The following CNTN6 variants were observed in gnomAD, a reference collection of about 807,000 sequenced individuals.
The protein encoded by CNTN6 is contactin 6.
In CNTN6, 137 loss-of-function variants were observed where a neutral mutation model predicts 122.8. The ratio of observed to expected loss-of-function variants is 1.12; its 90% CI spans 0.97 to 1.29. CNTN6 has a LOEUF of 1.29. Ranked by LOEUF, CNTN6 falls within the 50% of genes most tolerant of loss-of-function variation. The pLI, the probability that CNTN6 is intolerant of heterozygous loss-of-function variation, is 0.00. For synonymous variants in CNTN6, 570 were observed against 426.0 expected, an observed-to-expected ratio of 1.34 and a Z score of -4.16; for missense variants, 1,634 against 1,223.4, an observed-to-expected ratio of 1.34 and a Z score of -5.01.
intron 1 of CNTN6, among the ~76,000 whole-genome samples, chr3:1,107,764 G>A (rs1014516057): frequency 6.6e-6 from 1 of 151,962 alleles, no homozygotes; most frequent in Non-Finnish European, 1.5e-5. Flanking sequence ...TGACCTGAAC[G>A]ACAGACCAAT....
chr3:1,172,231 TTC>T (rs1240179991), intron 2 of CNTN6, among the ~76,000 whole-genome samples: 12 of 152,246 alleles, frequency 7.9e-5, no homozygotes, highest in Non-Finnish European at 2.9e-5. Flanking sequence ...TGAACCCCAG[TTC>T]TCTCTTTTAT....
intron 21 of CNTN6, among the ~76,000 whole-genome samples, chr3:1,401,954 A>G (rs1307133355): frequency 1.3e-5 from 2 of 152,100 alleles, no homozygotes; most frequent in African/African-American, 4.8e-5. Flanking sequence ...TCAAGTACCC[A>G]GAGCAACTCA....
In CNTN6 at chr3:1,372,389, C is replaced by G; in HGVS notation, c.1583C>G (p.Ser528Cys). The G allele has an allele frequency of 6.2e-7, 1 of 1,612,654 alleles. No homozygotes were observed. Among genetic ancestry groups the G allele is most frequent in the Non-Finnish European group, 8.5e-7 (1 of 1,178,938 alleles). Reference sequence around the variant, plus strand: ...CCATGCCAGGTGTCCCATGACCCCTCCATTGAAGTGGTATTTGTATGGTTT... The same window carrying G: ...CCATGCCAGGTGTCCCATGACCCCTGCATTGAAGTGGTATTTGTATGGTTT... The part of the protein sequence containing the change: ...VLPCQVSHDP[S>C]IEVVFVWFFN... Residue 528 changes from serine to cysteine, a missense_variant, in exon 13 of 23, where the codon TCC becomes TGC. By Grantham distance (112) the Ser-to-Cys change is moderately radical. Transcript: ENST00000446702.
intron 10 of CNTN6, among the ~76,000 whole-genome samples, chr3:1,328,609 T>C (rs2125994464): frequency 6.6e-6 from 1 of 151,904 alleles, no homozygotes; most frequent in African/African-American, 2.4e-5. Flanking sequence ...TGGCTAAGAA[T>C]TGAGGAGTTG....
intron 5 of CNTN6, among the ~76,000 whole-genome samples, chr3:1,288,336 G>GA: frequency 4.6e-4 from 1 of 2,158 alleles, no homozygotes; most frequent in East Asian, 0.1. Context: ...GGATTTTAAA[G>GA]TGTTAGGCAC....
At chr3:1,335,734 T>A (rs759833847) in intron 11 of CNTN6, among the ~76,000 whole-genome samples, 4 of 152,088 alleles carry the variant, frequency 2.6e-5, no homozygotes, top group African/African-American at 4.8e-5. Context: ...AATACCATTA[T>A]ACAATTGAAT....
At chr3:1,101,693 C>T (rs1463037987) in intron 1 of CNTN6, among the ~76,000 whole-genome samples, 2 of 152,268 alleles carry the variant, frequency 1.3e-5, no homozygotes. Context: ...TTGTATATGT[C>T]TTTCCATTGG....
chr3:1,307,983 T>C (rs1470080925), intron 7 of CNTN6, among the ~76,000 whole-genome samples: 1 of 152,168 alleles, frequency 6.6e-6, no homozygotes, highest in Non-Finnish European at 1.5e-5. Flanking sequence ...ACTGACTCTT[T>C]GGAAATGGGT....
intron 2 of CNTN6, among the ~76,000 whole-genome samples, chr3:1,190,759 ACCTTCAG>A (rs2093690224): frequency 6.6e-6 from 1 of 152,046 alleles, no homozygotes; most frequent in African/African-American, 2.4e-5. Context: ...ACCATATATC[ACCTTCAG>A]CCTGTTCTTT....
chr3:1,269,853 C>T (rs190501044), intron 4 of CNTN6, among the ~76,000 whole-genome samples: 21 of 152,092 alleles, frequency 1.4e-4, no homozygotes, highest in African/African-American at 4.3e-4. Context: ...CAAGAAACAA[C>T]GCATTTTTTT....
At chr3:1,120,081 A>G (rs113467033) in intron 1 of CNTN6, among the ~76,000 whole-genome samples, 105 of 152,110 alleles carry the variant, frequency 6.9e-4, no homozygotes, top group African/African-American at 2.5e-3. Flanking sequence ...ATTGCTGAGT[A>G]GTATTCCATA....
At chr3:1,360,877 T>C (rs1707361597) in intron 12 of CNTN6, among the ~76,000 whole-genome samples, 1 of 152,116 alleles carries the variant, frequency 6.6e-6, no homozygotes, top group South Asian at 2.1e-4. Context: ...TTAATGACAG[T>C]CTGCACTGAC....
chr3:1,370,905 G>A (rs1331081574), intron 12 of CNTN6, among the ~76,000 whole-genome samples: 5 of 151,402 alleles, frequency 3.3e-5, no homozygotes, highest in Non-Finnish European at 7.4e-5. Flanking sequence ...AATATGGAAA[G>A]TATTTTAAAT....
rs1033426350 is a variant in CNTN6 at position 1,388,601 on chromosome 3, G to A, written c.2704+2804G>A. Among the ~76,000 whole-genome samples the A allele has an allele frequency of 6.8e-4, 102 of 149,370 alleles. 1 individual carries two copies. Among genetic ancestry groups the A allele is most frequent in the Admixed American group, 1.1e-3 (16 of 15,016 alleles). ...GAGCTGAGAGAAGAAGGCTTCAGACGATCAAATTACTCTGAGCTACGGGAG... is the reference window on the plus strand; with the variant it reads ...GAGCTGAGAGAAGAAGGCTTCAGACAATCAAATTACTCTGAGCTACGGGAG... On this transcript the variant is annotated intron_variant, in intron 20 of 22. Transcript: ENST00000446702.
intron 4 of CNTN6, among the ~76,000 whole-genome samples, chr3:1,272,504 A>G (rs945637545): frequency 1.6e-4 from 25 of 152,016 alleles, no homozygotes; most frequent in Admixed American, 1.2e-3. Context: ...AAACATTGCA[A>G]TGAAATAATT....
At chr3:1,098,097 G>GT (rs1160644940) in intron 1 of CNTN6, among the ~76,000 whole-genome samples, 7 of 108,228 alleles carry the variant, frequency 6.5e-5, no homozygotes, top group Non-Finnish European at 1.2e-4. Context: ...ATATTTGCGG[G>GT]GGGGGGAGGG....
chr3:1,268,545 T>G (rs976144515), intron 4 of CNTN6, among the ~76,000 whole-genome samples: 6 of 143,100 alleles, frequency 4.2e-5, no homozygotes, highest in South Asian at 2.3e-4. Flanking sequence ...AGGAGGAGCT[T>G]GCAGTGAGCC....
At chr3:1,387,262 T>C (rs1012245355) in intron 20 of CNTN6, among the ~76,000 whole-genome samples, 1 of 152,218 alleles carries the variant, frequency 6.6e-6, no homozygotes, top group Non-Finnish European at 1.5e-5. Flanking sequence ...CCAAATTTCC[T>C]CCAGTCCACC....
rs540650983 is a variant in CNTN6 at position 1,279,004 on chromosome 3, G to A, written c.454+496G>A. On this transcript the variant is annotated intron_variant, in intron 5 of 22. Coordinates refer to ENST00000446702, the MANE Select transcript of CNTN6 (RefSeq NM_001289080.2). Reference sequence around the variant, plus strand: ...TAAAGAAAGTTAAGATTGTTACTACGTTTTTATTTTTGGGCTCTATGGAGA... The same window carrying A: ...TAAAGAAAGTTAAGATTGTTACTACATTTTTATTTTTGGGCTCTATGGAGA... Among the ~76,000 whole-genome samples the A allele has an allele frequency of 2.0e-5, 3 of 152,248 alleles. No individual in the cohort carries two copies. In the South Asian group the frequency reaches 6.2e-4, roughly 32 times the overall value.
Sources: gnomAD v4.1 joint callset for allele counts (sites outside exome capture counted in the v4.1 genomes callset) on GRCh38, gnomAD v4.1.1 for gene constraint, MANE v1.5 for transcripts, NCBI Gene and HGNC (gene_info 2026-07-23, HGNC 2026-07-21) for gene names.